Variants in MIGA1 observed in about 807,000 individuals in gnomAD.
The protein encoded by MIGA1 is family with sequence similarity 73, member A.
In MIGA1, 58 loss-of-function variants were observed where a neutral mutation model predicts 82.0. The ratio of observed to expected loss-of-function variants is 0.71; its 90% CI spans 0.57 to 0.88. The LOEUF is 0.88. MIGA1 is among the 40% of genes least tolerant of loss of function. The probability of loss-of-function intolerance (pLI) is 0.00; values close to 1 mark genes in which losing one functional copy is unlikely to be tolerated. For synonymous variants in MIGA1, 249 were observed against 253.6 expected, an observed-to-expected ratio of 0.98 and a Z score of 0.17; for missense variants, 751 against 749.1, an observed-to-expected ratio of 1.00 and a Z score of -0.03.
chr1:77,782,930 C>A (rs12744868), intron 1 of MIGA1: 1 of 917,312 alleles, frequency 1.1e-6, no homozygotes, highest in Non-Finnish European at 1.3e-6. Context: ...TTTTATGTAA[C>A]CAGAAAAGAG....
At chr1:77,794,971 GT>G (rs1017156716) in intron 2 of MIGA1, among the ~76,000 whole-genome samples, 3 of 147,508 alleles carry the variant, frequency 2.0e-5, no homozygotes, top group Non-Finnish European at 4.5e-5. Context: ...GGAGTTTTTT[GT>G]TTTTTTTTTA....
chr1:77,871,139 A>AGGGAGG (rs1685980630), intron 14 of MIGA1, among the ~76,000 whole-genome samples: 5 of 143,006 alleles, frequency 3.5e-5, no homozygotes, highest in Non-Finnish European at 6.2e-5. Context: ...GGAGAGGGAG[A>AGGGAGG]GGGCAGCACA....
chr1:77,866,685 AT>A (rs67081783), intron 14 of MIGA1, among the ~76,000 whole-genome samples: 50,627 of 128,874 alleles, frequency 0.39, 8,693 homozygotes, highest in African/African-American at 0.52. Flanking sequence ...AATGATATTA[AT>A]TTTTTTTTTT....
intron 1 of MIGA1, among the ~76,000 whole-genome samples, chr1:77,781,587 C>T (rs1681917885): frequency 6.6e-6 from 1 of 152,142 alleles, no homozygotes; most frequent in South Asian, 2.1e-4. Context: ...TATCCCTTGT[C>T]TTATTCTCCA....
intron 5 of MIGA1, chr1:77,811,743 G>A (rs976393815): frequency 7.5e-6 from 12 of 1,609,488 alleles, no homozygotes; most frequent in South Asian, 1.1e-5. Flanking sequence ...TAAAACTGGC[G>A]CCCCAGCGCT....
chr1:77,805,512 T>C (rs12069694), intron 4 of MIGA1, among the ~76,000 whole-genome samples: 1 of 139,188 alleles, frequency 7.2e-6, no homozygotes, highest in Admixed American at 7.7e-5. Flanking sequence ...GGAATATACC[T>C]ATTCTTTTTT....
intron 1 of MIGA1, chr1:77,780,211 T>A (rs1012088713): frequency 2.0e-6 from 2 of 985,760 alleles, no homozygotes; most frequent in Non-Finnish European, 2.4e-6. Context: ...GCTGGTGAGG[T>A]CTCAGGTTCG....
intron 8 of MIGA1, among the ~76,000 whole-genome samples, chr1:77,844,135 T>TAGATAGATAGATAG (rs1553223169): frequency 1.8e-5 from 2 of 112,536 alleles, no homozygotes; most frequent in African/African-American, 7.7e-5. Context: ...TATATATATA[T>TAGATAGATAGATAG]ATAGATAGAT....
At chr1:77,807,133 T>C in intron 5 of MIGA1, 32 bp downstream of exon 5, 1 of 1,497,760 alleles carries the variant, frequency 6.7e-7, no homozygotes, top group Non-Finnish European at 9.1e-7. Flanking sequence ...TTTAAGATAC[T>C]GTGCTCACAT....
At chr1:77,867,471 G>A (rs1393018722) in intron 14 of MIGA1, among the ~76,000 whole-genome samples, 5 of 152,122 alleles carry the variant, frequency 3.3e-5, no homozygotes, top group African/African-American at 4.8e-5. Flanking sequence ...AGGACTACAG[G>A]TGCACACCAC....
At chr1:77,869,868 AT>A (rs1265127694) in intron 14 of MIGA1, among the ~76,000 whole-genome samples, 25 of 100,922 alleles carry the variant, frequency 2.5e-4, no homozygotes, top group Non-Finnish European at 4.3e-4. Context: ...CGGGGGGCTG[AT>A]CCCCCCACCT....
At chr1:77,788,009 CAG>C (rs1421818392) in intron 2 of MIGA1, among the ~76,000 whole-genome samples, 4 of 150,938 alleles carry the variant, frequency 2.7e-5, no homozygotes, top group Non-Finnish European at 4.4e-5. Context: ...TTTTTTTAGA[CAG>C]AGTCTCGCTT....
chr1:77,846,912 A>C (rs768832886), intron 8 of MIGA1, among the ~76,000 whole-genome samples: 1 of 152,100 alleles, frequency 6.6e-6, no homozygotes, highest in Non-Finnish European at 1.5e-5. Context: ...GCGCCACTGC[A>C]CTCCAGCCTG....
intron 4 of MIGA1, among the ~76,000 whole-genome samples, chr1:77,803,833 A>C (rs971863657): frequency 6.6e-6 from 1 of 152,150 alleles, no homozygotes; most frequent in Non-Finnish European, 1.5e-5. Context: ...AATAAATAGG[A>C]TCTAGTGTTT....
At chr1:77,786,213 A>C (rs1478172953) in intron 2 of MIGA1, among the ~76,000 whole-genome samples, 1 of 152,158 alleles carries the variant, frequency 6.6e-6, no homozygotes, top group Non-Finnish European at 1.5e-5. Flanking sequence ...GATGCAGGGC[A>C]CCAAGTCCCT....
At chr1:77,809,203 G>T (rs756542551) in intron 5 of MIGA1, among the ~76,000 whole-genome samples, 2 of 152,078 alleles carry the variant, frequency 1.3e-5, no homozygotes, top group Non-Finnish European at 2.9e-5. Flanking sequence ...CCACAGGGGG[G>T]TCTTTGTGTT....
At chr1:77,842,730 C>T (rs566606432) in intron 7 of MIGA1, among the ~76,000 whole-genome samples, 17 of 152,130 alleles carry the variant, frequency 1.1e-4, no homozygotes, top group South Asian at 2.1e-4. Context: ...TTAGTAGAGA[C>T]GGGGTTTCGC....
At chr1:77,800,406 C>T (rs1476112903) in intron 2 of MIGA1, among the ~76,000 whole-genome samples, 3 of 152,158 alleles carry the variant, frequency 2.0e-5, no homozygotes, top group African/African-American at 7.2e-5. Context: ...ATGCCTGTCT[C>T]GTTAGTTTAG....
rs542301378 is a variant in MIGA1, at chr1:77,792,980, G to A, written c.196-8351G>A. Among the ~76,000 whole-genome samples the A allele has an allele frequency of 5.3e-5, 8 of 152,050 alleles. No homozygotes were observed. In the South Asian group the frequency reaches 1.2e-3, roughly 24 times the overall value. ...ATTTTTTTGTATTTTTAGTAGAGAC[G>A]GGGTTTTACCACGTTGGCCAGCCTG... On this transcript the variant is annotated intron_variant, in intron 2 of 15. Transcript: ENST00000370791.
Sources: gnomAD v4.1 joint callset for allele counts (sites outside exome capture counted in the v4.1 genomes callset) on GRCh38, gnomAD v4.1.1 for gene constraint, MANE v1.5 for transcripts, NCBI Gene and HGNC (gene_info 2026-07-23, HGNC 2026-07-21) for gene names.